SNTA1: variants seen among roughly 807,000 people sequenced by gnomAD.
SNTA1 encodes syntrophin alpha 1.
Under a neutral mutation model 47.1 loss-of-function variants are expected in SNTA1, and 31 were observed. That is an observed-to-expected ratio of 0.66 (90% CI 0.49 to 0.89). The LOEUF is 0.89. Among genes scored for constraint, SNTA1 ranks in the 40% least tolerant of loss-of-function variants. The pLI is 0.00. For missense variants in SNTA1, 575 were observed against 693.0 expected (o/e 0.83, Z 1.91); for synonymous variants, 300 against 313.6 (o/e 0.96, Z 0.46).
chr20:33,418,783 ACT>A (rs1422681748), intron 2 of SNTA1, among the ~76,000 whole-genome samples: 8 of 92,772 alleles, frequency 8.6e-5, no homozygotes, highest in Non-Finnish European at 1.6e-4. Flanking sequence ...ACATAACAAG[ACT>A]CTGTCTCAAA....
chr20:33,421,172 A>C (rs78645325), intron 2 of SNTA1, among the ~76,000 whole-genome samples: 2 of 139,130 alleles, frequency 1.4e-5, no homozygotes, highest in Admixed American at 1.5e-4. Context: ...ACCCTGTCTC[A>C]AAAAAAAAAA....
chr20:33,412,364 G>A lies in SNTA1; in HGVS notation c.972C>T (p.Tyr324=), dbSNP rs761467167. The change falls in exon 5 of 8, where the codon TAC becomes TAT. Residue 324 remains tyrosine, a synonymous_variant. Coordinates refer to ENST00000217381, the MANE Select transcript of SNTA1 (RefSeq NM_003098.3). ...ALLTEKELLL[Y]LSLPETREAL... is the part of the protein sequence containing the mutation. ...CCTCGCGGGTCTCGGGGAGAGACAAGTAGAGGAGCAGTTCCTTTTCAGTTA... is the reference window on the plus strand; with the variant it reads ...CCTCGCGGGTCTCGGGGAGAGACAAATAGAGGAGCAGTTCCTTTTCAGTTA... 3 of 1,611,780 alleles carry A rather than the reference G, an allele frequency of 1.9e-6. No homozygotes were observed. In the African/African-American group the frequency reaches 4.0e-5, roughly 22 times the overall value.
intron 1 of SNTA1, 40 bp downstream of exon 1, chr20:33,443,271 C>T: frequency 6.8e-7 from 1 of 1,464,218 alleles, no homozygotes; most frequent in Non-Finnish European, 9.1e-7. Flanking sequence ...CGGCTGCCCC[C>T]AGACACCACG....
chr20:33,435,691 G>C (rs1568760481), intron 2 of SNTA1, among the ~76,000 whole-genome samples: 1 of 152,156 alleles, frequency 6.6e-6, no homozygotes, highest in Non-Finnish European at 1.5e-5. Context: ...GTGTAGTTTA[G>C]CTTCTGACCT....
chr20:33,420,909 G>A (rs748855793), intron 2 of SNTA1, among the ~76,000 whole-genome samples: 3 of 151,034 alleles, frequency 2.0e-5, no homozygotes, highest in Non-Finnish European at 3.0e-5. Context: ...GCTTGAACCC[G>A]GGAGGCGGAG....
chr20:33,437,098 A>G (rs1240908162), intron 2 of SNTA1, among the ~76,000 whole-genome samples: 1 of 151,786 alleles, frequency 6.6e-6, no homozygotes, highest in Admixed American at 6.6e-5. Flanking sequence ...CCTCATCTCT[A>G]CTAAAAATAA....
Position 33,412,690 on chromosome 20 carries a change from T to C in SNTA1, c.794A>G (p.Gln265Arg), listed in dbSNP as rs752552345. ...CGGCGTCAGAGTATTGACCTGGGCT[T>C]GGATGGCAGTCGCCCACGACCTCGC... ...ASARSWATAI[Q>R]AQVNTLTPRV... The change falls in exon 4 of 8, where the codon CAA (glutamine) becomes CGA (arginine). Residue 265 changes from glutamine (Q) to arginine (R), a missense_variant. Transcript: ENST00000217381. 6.2e-6 allele frequency: 10 copies of C among 1,613,882 alleles called. No homozygotes were observed. The highest frequency in any genetic ancestry group is 8.5e-6 in the Non-Finnish European group (10 of 1,180,026).
chr20:33,429,577 C>T (rs1475577378), intron 2 of SNTA1, among the ~76,000 whole-genome samples: 1 of 151,456 alleles, frequency 6.6e-6, no homozygotes, highest in African/African-American at 2.4e-5. Flanking sequence ...TTGCAGTGAG[C>T]CGAGATCATG....
chr20:33,438,199 C>T (rs1990488685), intron 2 of SNTA1, among the ~76,000 whole-genome samples: 1 of 152,092 alleles, frequency 6.6e-6, no homozygotes, highest in South Asian at 2.1e-4. Flanking sequence ...ACTTGGGAGG[C>T]TGAGGCAGGA....
intron 2 of SNTA1, among the ~76,000 whole-genome samples, chr20:33,429,334 TAAAAAAAAA>T (rs35077145): frequency 2.0e-4 from 5 of 25,110 alleles, no homozygotes; most frequent in East Asian, 2.4e-3. Flanking sequence ...AGACTCCACC[TAAAAAAAAA>T]AAAAAAAAAA....
intron 2 of SNTA1, among the ~76,000 whole-genome samples, chr20:33,432,345 G>A (rs1156364813): frequency 6.6e-6 from 1 of 152,210 alleles, no homozygotes; most frequent in Non-Finnish European, 1.5e-5. Context: ...GAACAGAAAA[G>A]CTCAAGAGTC....
intron 1 of SNTA1, among the ~76,000 whole-genome samples, chr20:33,441,536 GT>G (rs1378335307): frequency 6.6e-6 from 1 of 152,076 alleles, no homozygotes; most frequent in Non-Finnish European, 1.5e-5. Context: ...AGAGGAAGGG[GT>G]TTCTATTTAT....
At chr20:33,415,378 C>A (rs985262893) in intron 3 of SNTA1, among the ~76,000 whole-genome samples, 1 of 152,202 alleles carries the variant, frequency 6.6e-6, no homozygotes, top group African/African-American at 2.4e-5. Context: ...CCTTCCGGGC[C>A]GGGCATGGTG....
At chr20:33,418,402 G>C (rs1186825111) in intron 2 of SNTA1, among the ~76,000 whole-genome samples, 1 of 151,758 alleles carries the variant, frequency 6.6e-6, no homozygotes, top group African/African-American at 2.4e-5. Context: ...CTACAGGTAC[G>C]CACTACCACA....
chr20:33,426,106 A>T (rs1267123610), intron 2 of SNTA1, among the ~76,000 whole-genome samples: 1 of 151,510 alleles, frequency 6.6e-6, no homozygotes, highest in Non-Finnish European at 1.5e-5. Flanking sequence ...ATTAAAAAAA[A>T]ATAAAAGTAA....
At chr20:33,430,159 A>G (rs1202209721) in intron 2 of SNTA1, among the ~76,000 whole-genome samples, 1 of 152,148 alleles carries the variant, frequency 6.6e-6, no homozygotes, top group Non-Finnish European at 1.5e-5. Context: ...GGGAGAAAGC[A>G]GTACTTATTG....
Position 33,437,167 on chromosome 20 carries a change from G to T in SNTA1, c.496+1674C>A, listed in dbSNP as rs966228947. The stretch of plus-strand genomic sequence containing the variant: ...AATCCCAGCTACTCAGGAGGCGGAG[G>T]CAGAAGAATTGCTTGAACCCGGGAG... On this transcript the variant is annotated intron_variant, in intron 2 of 7. Coordinates refer to ENST00000217381, the MANE Select transcript of SNTA1 (RefSeq NM_003098.3). Among the ~76,000 whole-genome samples the T allele has an allele frequency of 5.9e-5, 9 of 151,582 alleles. No individual in the cohort carries two copies. In the South Asian group the frequency reaches 1.0e-3, roughly 18 times the overall value.
At chr20:33,430,674 G>A (rs765555808) in intron 2 of SNTA1, among the ~76,000 whole-genome samples, 2 of 151,736 alleles carry the variant, frequency 1.3e-5, no homozygotes, top group Admixed American at 6.6e-5. Flanking sequence ...TTCGCCGGGC[G>A]CAGTGGCTCA....
rs1989660170 is a variant in SNTA1 at position 33,408,733 on chromosome 20, A to G, written c.1393T>C (p.Phe465Leu). The G allele has an allele frequency of 1.2e-6, 2 of 1,614,138 alleles. No individual in the cohort carries two copies. Among genetic ancestry groups the G allele is most frequent in the Non-Finnish European group, 1.7e-6 (2 of 1,180,022 alleles). ...MSSDDGASLL[F>L]LDFGGAEGEI... ...CCTTCAGCACCTCCAAAATCCAGGAAAAGGAGACTGGCACCGTCATCTGAA... is the reference window on the plus strand; with the variant it reads ...CCTTCAGCACCTCCAAAATCCAGGAGAAGGAGACTGGCACCGTCATCTGAA... Residue 465 changes from phenylalanine to leucine, a missense_variant, in exon 7 of 8, where the codon TTC becomes CTC. Transcript: ENST00000217381.
Sources: allele counts gnomAD v4.1 joint callset (sites outside exome capture counted in the v4.1 genomes callset), GRCh38; gene constraint gnomAD v4.1.1; transcripts MANE v1.5; gene names NCBI Gene and HGNC (gene_info 2026-07-23, HGNC 2026-07-21).